LALBA: variants seen among roughly 807,000 people sequenced by gnomAD.
The protein encoded by LALBA is lactalbumin alpha.
A neutral mutation model predicts 13.4 loss-of-function variants in LALBA; 12 were observed. The observed-to-expected ratio is 0.89, with a 90% confidence interval of 0.57 to 1.45. The LOEUF (loss-of-function observed/expected upper bound fraction) is 1.45, where lower values mean the gene tolerates loss of function less well. Among genes scored for constraint, LALBA ranks in the 40% most tolerant of loss-of-function variants. The pLI, the probability that LALBA is intolerant of heterozygous loss-of-function variation, is 0.00. For missense variants in LALBA, 145 were observed against 165.9 expected (o/e 0.87, Z 0.69); for synonymous variants, 64 against 61.0 (o/e 1.05, Z -0.23).
Position 48,570,029 on chromosome 12 carries a change from C to G in LALBA, c.-9G>C. 6.2e-7 allele frequency: 1 copy of G among 1,613,368 alleles called. No individual in the cohort carries two copies. The highest frequency in any genetic ancestry group is 1.3e-5 in the African/African-American group (1 of 74,936). On this transcript the variant is annotated 5_prime_UTR_variant, in exon 1 of 4. Transcript: ENST00000301046. Reference sequence around the variant, plus strand: ...GGGACAAAGAACCTCATTTTGGCTACCCCCAAGAACCTGAAATGGAAGCAT... The same window carrying G: ...GGGACAAAGAACCTCATTTTGGCTAGCCCCAAGAACCTGAAATGGAAGCAT...
chr12:48,568,440 G>A (rs983027567), intron 3 of LALBA, 77 bp downstream of exon 3: 75 of 833,568 alleles, frequency 9.0e-5, no homozygotes, highest in Non-Finnish European at 1.4e-4. Flanking sequence ...AAGAGATAGG[G>A]TAAGAGGAAA....
chr12:48,567,984 C>G lies in LALBA; in HGVS notation c.402G>C (p.Leu134=). The change falls in exon 4 of 4, where the codon CTG becomes CTC. Residue 134 remains leucine (L), a synonymous_variant. Transcript: ENST00000301046. ...LAHKALCTEK[L]EQWLCEKL ...ACAACTTCTCACAAAGCCACTGTTC[C>G]AGCTTCTCAGTGCAGAGGGCTTTAT... 6.2e-7 allele frequency: 1 copy of G among 1,605,238 alleles called. No homozygotes were observed. Among genetic ancestry groups the G allele is most frequent in the Non-Finnish European group, 8.5e-7 (1 of 1,176,154 alleles).
intron 3 of LALBA, 163 bp downstream of exon 3, chr12:48,568,354 G>A (rs1215333887): frequency 1.1e-5 from 7 of 644,630 alleles, no homozygotes; most frequent in African/African-American, 5.5e-5. Context: ...GGAGCGGAGC[G>A]AGAGAGGCTT....
intron 3 of LALBA, 146 bp downstream of exon 3, chr12:48,568,371 A>G (rs1206080020): frequency 1.5e-6 from 1 of 666,182 alleles, no homozygotes; most frequent in African/African-American, 1.8e-5. Context: ...GCTTAATAAC[A>G]GAAACCTGAG....
upstream of LALBA, among the ~76,000 whole-genome samples, chr12:48,570,410 A>C (rs1157880873): frequency 6.6e-6 from 1 of 152,120 alleles, no homozygotes; most frequent in African/African-American, 2.4e-5. Flanking sequence ...AAAATACAAT[A>C]AAGTTCTATA....
chr12:48,569,990 C>T lies in LALBA; in HGVS notation c.31G>A (p.Gly11Ser), dbSNP rs1381441800. The change falls in exon 1 of 4, where the codon GGC becomes AGC. Residue 11 changes from glycine (G) to serine (S), a missense_variant. Transcript: ENST00000301046. ...GCCAGGATGGCAGGGAACAGGATGC[C>T]CACCAGGAACAGAGGGACAAAGAAC... MRFFVPLFLVGILFPAILAKQ... is the reference protein window; with the variant it reads MRFFVPLFLVSILFPAILAKQ... 1.2e-6 allele frequency: 2 copies of T among 1,613,944 alleles called. No individual in the cohort carries two copies. Among genetic ancestry groups the T allele is most frequent in the East Asian group, 2.2e-5 (1 of 44,872 alleles).
chr12:48,571,060 TAAATAACC>T (rs960434758), upstream of LALBA, among the ~76,000 whole-genome samples: 2 of 151,106 alleles, frequency 1.3e-5, no homozygotes, highest in Non-Finnish European at 2.9e-5. Flanking sequence ...ACTCCTACCG[TAAATAACC>T]AAATACTACA....
upstream of LALBA, among the ~76,000 whole-genome samples, chr12:48,571,489 A>G (rs1366657478): frequency 7.0e-6 from 1 of 142,358 alleles, no homozygotes; most frequent in Non-Finnish European, 1.5e-5. Flanking sequence ...GGCTCAAGTG[A>G]TTCTCCTGCC....
intron 1 of LALBA, 104 bp downstream of exon 1, chr12:48,569,784 T>C (rs1249911891): frequency 3.0e-6 from 3 of 1,001,020 alleles, no homozygotes; most frequent in Non-Finnish European, 4.5e-6. Flanking sequence ...GAAAAGAGGA[T>C]GATTAGATAA....
intron 3 of LALBA, 117 bp from the exon 4 acceptor site, chr12:48,568,134 A>C: frequency 1.3e-6 from 1 of 789,268 alleles, no homozygotes; most frequent in Non-Finnish European, 2.2e-6. Flanking sequence ...TCCTGGCCTG[A>C]TGTCAAGCGA....
upstream of LALBA, chr12:48,570,083 C>A (rs958999080): frequency 2.2e-5 from 34 of 1,575,274 alleles, no homozygotes; most frequent in African/African-American, 4.1e-4. Flanking sequence ...TATATTCATG[C>A]AGAAAGCCTC....
Position 48,567,838 on chromosome 12 carries a change from G to A in LALBA, c.*119C>T. 1.2e-6 allele frequency: 1 copy of A among 851,520 alleles called. No homozygotes were observed. Among genetic ancestry groups the A allele is most frequent in the Non-Finnish European group, 1.9e-6 (1 of 519,702 alleles). The allele number at this position is 851,520 out of a possible 1,614,324, so 52.7% of individuals were successfully genotyped here. Reference sequence around the variant, plus strand: ...AAGAATTCGGTGATGTCACTACAGGGCCCAAGGCTCAGAGACAGATAAGCT... The same window carrying A: ...AAGAATTCGGTGATGTCACTACAGGACCCAAGGCTCAGAGACAGATAAGCT... On this transcript the variant is annotated 3_prime_UTR_variant, in exon 4 of 4. Coordinates refer to ENST00000301046, the MANE Select transcript of LALBA (RefSeq NM_002289.3).
upstream of LALBA, among the ~76,000 whole-genome samples, chr12:48,570,794 G>A (rs1267181104): frequency 2.0e-5 from 3 of 151,822 alleles, no homozygotes; most frequent in African/African-American, 7.3e-5. Flanking sequence ...ACCAGCCTGG[G>A]CAACATGGTA....
chr12:48,570,108 C>T, upstream of LALBA: 2 of 1,397,790 alleles, frequency 1.4e-6, no homozygotes, highest in Non-Finnish European at 2.0e-6. Context: ...GCTCTGGTAC[C>T]AAGCCCTACA....
At chr12:48,569,274 A>T (rs1938603776) in intron 1 of LALBA, 34 bp from the exon 2 acceptor site, 7 of 1,565,962 alleles carry the variant, frequency 4.5e-6, no homozygotes, top group Non-Finnish European at 6.1e-6. Context: ...TACCACAGAG[A>T]TGTACAGGAT....
intron 3 of LALBA, 53 bp from the exon 4 acceptor site, chr12:48,568,070 C>A: frequency 7.1e-7 from 1 of 1,400,082 alleles, no homozygotes; most frequent in South Asian, 1.2e-5. Flanking sequence ...TCTTTACATT[C>A]ATTCCCAGGA....
At chr12:48,570,056 A>G, upstream of LALBA, 2 of 1,611,688 alleles carry the variant, frequency 1.2e-6, no homozygotes, top group South Asian at 2.2e-5. Flanking sequence ...TGGAAGCATC[A>G]CTCAGTTTCA....
At chr12:48,570,716 C>T (rs1226656743), upstream of LALBA, among the ~76,000 whole-genome samples, 1 of 152,148 alleles carries the variant, frequency 6.6e-6, no homozygotes, top group East Asian at 1.9e-4. Context: ...GGCACAGTGG[C>T]TCACACCTGT....
At chr12:48,568,233 C>T in intron 3 of LALBA, 1 of 614,702 alleles carries the variant, frequency 1.6e-6, no homozygotes, top group East Asian at 2.8e-5. Flanking sequence ...CAACAGCTTG[C>T]TTTAGGGCAT....
Sources: allele counts gnomAD v4.1 joint callset (sites outside exome capture counted in the v4.1 genomes callset), GRCh38; gene constraint gnomAD v4.1.1; transcripts MANE v1.5; gene names NCBI Gene and HGNC (gene_info 2026-07-23, HGNC 2026-07-21).